Variants in PDE4D observed in about 807,000 individuals in gnomAD.
The protein encoded by PDE4D is phosphodiesterase 4D.
A neutral mutation model predicts 87.4 loss-of-function variants in PDE4D; 24 were observed. The observed-to-expected ratio is 0.27, with a 90% CI of 0.20 to 0.39. The LOEUF is 0.39. Among genes scored for constraint, PDE4D ranks in the 10% least tolerant of loss-of-function variants. The pLI, the probability that PDE4D is intolerant of heterozygous loss-of-function variation, is 1.00. For synonymous variants in PDE4D, 384 were observed against 383.2 expected, an observed-to-expected ratio of 1.00 and a Z score of -0.02; for missense variants, 714 against 1,041.0, an observed-to-expected ratio of 0.69 and a Z score of 4.32.
intron 1 of PDE4D, among the ~76,000 whole-genome samples, chr5:60,241,598 G>A (rs1277110178): frequency 1.3e-5 from 2 of 151,952 alleles, no homozygotes; most frequent in African/African-American, 4.8e-5. Context: ...AAAAATTAGT[G>A]AGCTAGAAGA....
chr5:59,793,824 T>G (rs1766108247), intron 1 of PDE4D, among the ~76,000 whole-genome samples: 1 of 152,216 alleles, frequency 6.6e-6, no homozygotes, highest in South Asian at 2.1e-4. Context: ...CCTTAGGGGC[T>G]CATAGATTAA....
intron 1 of PDE4D, among the ~76,000 whole-genome samples, chr5:59,415,742 A>G (rs1171920467): frequency 2.6e-5 from 4 of 152,228 alleles, no homozygotes; most frequent in Admixed American, 1.3e-4. Context: ...AGAATGTTAA[A>G]TATCTCATTA....
At chr5:60,421,619 A>T (rs1384210132) in intron 1 of PDE4D, among the ~76,000 whole-genome samples, 1 of 152,152 alleles carries the variant, frequency 6.6e-6, no homozygotes, top group Non-Finnish European at 1.5e-5. Context: ...AATTCTAAAA[A>T]CCAGAGTGCC....
chr5:60,468,720 C>A (rs112444552), intron 1 of PDE4D, among the ~76,000 whole-genome samples: 117 of 151,506 alleles, frequency 7.7e-4, no homozygotes, highest in African/African-American at 2.7e-3. Flanking sequence ...AGATGGGGAT[C>A]TTACTATGTT....
intron 1 of PDE4D, among the ~76,000 whole-genome samples, chr5:59,426,996 TATACACACACACACACACAC>T (rs1376680801): frequency 8.3e-6 from 1 of 121,130 alleles, no homozygotes; most frequent in Non-Finnish European, 1.6e-5. Flanking sequence ...AACTTGAAGC[TATACACACACACACACACAC>T]ACACACACAC....
chr5:60,013,745 C>T (rs563354632), intron 2 of PDE4D, among the ~76,000 whole-genome samples: 1 of 152,210 alleles, frequency 6.6e-6, no homozygotes, highest in East Asian at 1.9e-4. Context: ...CCTGGCCTTG[C>T]CATATGACTT....
intron 6 of PDE4D, among the ~76,000 whole-genome samples, chr5:59,009,949 T>C (rs1377180061): frequency 6.6e-6 from 1 of 152,202 alleles, no homozygotes; most frequent in Non-Finnish European, 1.5e-5. Context: ...TCCACCATTA[T>C]TTCCCAGAAA....
At chr5:60,338,104 C>G (rs940688981) in intron 1 of PDE4D, among the ~76,000 whole-genome samples, 1 of 151,804 alleles carries the variant, frequency 6.6e-6, no homozygotes, top group Non-Finnish European at 1.5e-5. Context: ...GGTGAGTAGC[C>G]GGAGAAAAAA....
intron 1 of PDE4D, among the ~76,000 whole-genome samples, chr5:60,315,091 C>G (rs1755434493): frequency 6.6e-6 from 1 of 152,234 alleles, no homozygotes; most frequent in Non-Finnish European, 1.5e-5. Context: ...AACCAGTTTA[C>G]AATCCCAACA....
At chr5:59,627,519 A>T (rs376627991) in intron 1 of PDE4D, among the ~76,000 whole-genome samples, 2 of 152,080 alleles carry the variant, frequency 1.3e-5, no homozygotes, top group African/African-American at 2.4e-5. Context: ...TAACTGCATT[A>T]TGTATTATCC....
chr5:59,941,900 C>A (rs1757224043), intron 3 of PDE4D, among the ~76,000 whole-genome samples: 1 of 152,182 alleles, frequency 6.6e-6, no homozygotes, highest in African/African-American at 2.4e-5. Flanking sequence ...GGGAGGAAGC[C>A]CCTACCTCTC....
intron 1 of PDE4D, among the ~76,000 whole-genome samples, chr5:59,403,556 G>GA (rs1477382765): frequency 6.6e-6 from 1 of 152,034 alleles, no homozygotes; most frequent in Non-Finnish European, 1.5e-5. Flanking sequence ...GAGAATACGT[G>GA]AAGATGATCT....
chr5:60,206,399 A>T lies in PDE4D; in HGVS notation c.-89-20712T>A, dbSNP rs1742532273. Among the ~76,000 whole-genome samples, 3 of 152,348 alleles carry T rather than the reference A, an allele frequency of 2.0e-5. 1 individual carries two copies. The South Asian group carries it at 6.2e-4, about 32-fold the overall frequency. ...TTTCTAGTGCTCTAGAAATGGAATG[A>T]TGAATTATTTGGCCTTGCAATATAC... On this transcript the variant is annotated intron_variant, in intron 1 of 16. Transcript: ENST00000502484.
At chr5:59,628,688 G>A (rs558885839) in intron 1 of PDE4D, among the ~76,000 whole-genome samples, 1 of 152,158 alleles carries the variant, frequency 6.6e-6, no homozygotes, top group East Asian at 1.9e-4. Context: ...TAGTGTGGGG[G>A]ATAGAAAAAG....
At chr5:59,535,013 A>G (rs999496673) in intron 1 of PDE4D, among the ~76,000 whole-genome samples, 3 of 145,994 alleles carry the variant, frequency 2.1e-5, no homozygotes, top group Non-Finnish European at 3.0e-5. Flanking sequence ...TGCATTACTT[A>G]TCCATGCAAA....
At chr5:60,319,215 C>G (rs1755952470) in intron 1 of PDE4D, among the ~76,000 whole-genome samples, 1 of 152,208 alleles carries the variant, frequency 6.6e-6, no homozygotes, top group African/African-American at 2.4e-5. Flanking sequence ...AACTTCTCTT[C>G]TCACTTCATT....
Position 60,099,299 on chromosome 5 carries a change from T to C in PDE4D, c.42+86258A>G, listed in dbSNP as rs1255942263. Among the ~76,000 whole-genome samples the C allele has an allele frequency of 2.0e-5, 3 of 152,070 alleles. 1 individual carries two copies. The highest frequency in any genetic ancestry group is 4.2e-4 in the South Asian group (2 of 4,818). On this transcript the variant is annotated intron_variant, in intron 2 of 16. Coordinates refer to the PDE4D transcript ENST00000502484. ...GGAAAAGTATTTTTTGCGTTGATCT[T>C]GCCTGGAGCATTTGAGCCTCACTAA...
intron 2 of PDE4D, among the ~76,000 whole-genome samples, chr5:59,214,595 T>A (rs1401869217): frequency 1.3e-5 from 2 of 152,192 alleles, no homozygotes; most frequent in Non-Finnish European, 2.9e-5. Flanking sequence ...TTCAGAGCTT[T>A]AAATACACCA....
At chr5:60,396,240 A>G (rs1762874640) in intron 1 of PDE4D, among the ~76,000 whole-genome samples, 1 of 152,226 alleles carries the variant, frequency 6.6e-6, no homozygotes, top group African/African-American at 2.4e-5. Flanking sequence ...AGAGTTTATT[A>G]TTAGACAACA....
Sources: allele counts gnomAD v4.1 joint callset (sites outside exome capture counted in the v4.1 genomes callset), GRCh38; gene constraint gnomAD v4.1.1; transcripts MANE v1.5; gene names NCBI Gene and HGNC (gene_info 2026-07-23, HGNC 2026-07-21).